The following RCL1 variants were observed in gnomAD, a reference collection of about 807,000 sequenced individuals.
RCL1 encodes RNA 3'-terminal phosphate cyclase-like protein.
Under a neutral mutation model 42.4 loss-of-function variants are expected in RCL1, and 24 were observed. That is an observed-to-expected ratio of 0.57 (90% confidence interval 0.41 to 0.80). The LOEUF is 0.80. Ranked by LOEUF, RCL1 falls within the 30% of genes least tolerant of loss-of-function variation. The pLI, the probability that RCL1 is intolerant of heterozygous loss-of-function variation, is 0.00. For synonymous variants in RCL1, 228 were observed against 177.3 expected, an observed-to-expected ratio of 1.29 and a Z score of -2.27; for missense variants, 578 against 467.9, an observed-to-expected ratio of 1.24 and a Z score of -2.17.
Position 4,848,448 on chromosome 9 carries a change from A to C in RCL1, c.868-999A>C, listed in dbSNP as rs73639232. Among the ~76,000 whole-genome samples the C allele has an allele frequency of 2.7e-3, 410 of 152,326 alleles. 2 individuals are homozygous for C. The highest frequency in any genetic ancestry group is 9.4e-3 in the African/African-American group (391 of 41,580). On this transcript the variant is annotated intron_variant, in intron 7 of 8. Coordinates refer to ENST00000381750, the MANE Select transcript of RCL1 (RefSeq NM_005772.5). ...TATTTCCTACCCTACATGCCTTAAA[A>C]AGGAGGCAGGGGCAGTTGTAGCCAT...
At chr9:4,847,970 C>T (rs550439576) in intron 7 of RCL1, among the ~76,000 whole-genome samples, 2 of 152,230 alleles carry the variant, frequency 1.3e-5, no homozygotes. Flanking sequence ...ACACCTCCCC[C>T]CAGCATAGGT....
intron 5 of RCL1, chr9:4,839,909 A>G (rs950310213): frequency 4.1e-6 from 4 of 985,488 alleles, no homozygotes; most frequent in Non-Finnish European, 3.6e-6. Flanking sequence ...GGGTTTCAGG[A>G]GAGAGATTGG....
At chr9:4,830,583 A>G (rs1563844480) in intron 3 of RCL1, among the ~76,000 whole-genome samples, 1 of 152,224 alleles carries the variant, frequency 6.6e-6, no homozygotes, top group Admixed American at 6.5e-5. Context: ...GGTGCCAACA[A>G]GCTGCTCCAA....
chr9:4,836,291 G>A (rs1817126848), intron 5 of RCL1, among the ~76,000 whole-genome samples: 1 of 152,106 alleles, frequency 6.6e-6, no homozygotes, highest in Admixed American at 6.5e-5. Flanking sequence ...AAGGTGGGTG[G>A]GTCCTACAGG....
At position 4,834,362 on chromosome 9, in the gene RCL1, T is replaced by G. The variant is rs1396335674; in HGVS notation, c.584+97T>G. On this transcript the variant is annotated intron_variant, in intron 5 of 8. Transcript: ENST00000381750. The stretch of plus-strand genomic sequence containing the variant: ...AGCTTTACTTCTTCCCGAGGTTATT[T>G]ACATTTTAGACTACAACTTTGAAAA... 7 of 1,376,238 alleles carry G rather than the reference T, an allele frequency of 5.1e-6. No homozygotes were observed. In the Admixed American group the frequency reaches 1.6e-4, roughly 31 times the overall value. The allele number at this position is 1,376,238 out of a possible 1,614,324, so 85.3% of individuals were successfully genotyped here.
At chr9:4,797,597 C>T (rs1842932207) in intron 1 of RCL1, among the ~76,000 whole-genome samples, 1 of 152,200 alleles carries the variant, frequency 6.6e-6, no homozygotes, top group Non-Finnish European at 1.5e-5. Flanking sequence ...AAATATCCTA[C>T]AGGACAGCCT....
At chr9:4,806,509 A>G (rs373498881) in intron 1 of RCL1, among the ~76,000 whole-genome samples, 6 of 151,770 alleles carry the variant, frequency 4.0e-5, no homozygotes, top group African/African-American at 1.2e-4. Context: ...TCTTCAGCCT[A>G]TAAATATGGT....
At chr9:4,835,472 G>C (rs1817090702) in intron 5 of RCL1, among the ~76,000 whole-genome samples, 1 of 152,192 alleles carries the variant, frequency 6.6e-6, no homozygotes, top group Admixed American at 6.5e-5. Flanking sequence ...CTGGGTTGTG[G>C]AGTGAAGGGG....
intron 8 of RCL1, among the ~76,000 whole-genome samples, chr9:4,854,982 G>C (rs1817887458): frequency 6.6e-6 from 1 of 150,924 alleles, no homozygotes; most frequent in Non-Finnish European, 1.5e-5. Flanking sequence ...GAACCTGGGA[G>C]GCAGAGGTTG....
In RCL1 at chr9:4,860,297, C is replaced by G. The variant is rs772837907; in HGVS notation, c.*22C>G. The G allele has an allele frequency of 1.9e-6, 3 of 1,609,678 alleles. No homozygotes were observed. Among genetic ancestry groups the G allele is most frequent in the Non-Finnish European group, 2.5e-6 (3 of 1,178,420 alleles). ...GTGATAACCATCACAAGATAAGGCC[C>G]CAATGCCTACAGACAAAGCAGAAGC... On this transcript the variant is annotated 3_prime_UTR_variant, in exon 9 of 9. Transcript: ENST00000381750.
At chr9:4,853,244 G>A (rs1240358343) in intron 8 of RCL1, among the ~76,000 whole-genome samples, 1 of 152,034 alleles carries the variant, frequency 6.6e-6, no homozygotes, top group Admixed American at 6.6e-5. Flanking sequence ...CAAGTTACGT[G>A]CCCAGGGTCA....
chr9:4,828,090 G>A (rs966859225), intron 3 of RCL1, among the ~76,000 whole-genome samples: 1 of 151,230 alleles, frequency 6.6e-6, no homozygotes, highest in Admixed American at 6.6e-5. Context: ...GGAGACTGAG[G>A]CAGGAGAATG....
chr9:4,813,974 T>G (rs1816277638), intron 1 of RCL1, among the ~76,000 whole-genome samples: 1 of 151,824 alleles, frequency 6.6e-6, no homozygotes, highest in Non-Finnish European at 1.5e-5. Flanking sequence ...CACTCATAGG[T>G]GGGAATTGAA....
At chr9:4,806,994 G>A (rs1006765291) in intron 1 of RCL1, among the ~76,000 whole-genome samples, 33 of 152,118 alleles carry the variant, frequency 2.2e-4, no homozygotes, top group African/African-American at 7.7e-4. Context: ...TGAAGAAGTG[G>A]TCCGTTTCAT....
intron 6 of RCL1, among the ~76,000 whole-genome samples, chr9:4,842,276 C>CCACAGCTGATCCTTTTT (rs748801645): frequency 6.6e-6 from 1 of 152,152 alleles, no homozygotes; most frequent in Non-Finnish European, 1.5e-5. Flanking sequence ...TTAAGTGATG[C>CCACAGCTGATCCTTTTT]CACAGCTGAT....
intron 1 of RCL1, among the ~76,000 whole-genome samples, chr9:4,819,668 G>C (rs927815035): frequency 2.6e-4 from 39 of 152,236 alleles, no homozygotes; most frequent in African/African-American, 9.1e-4. Flanking sequence ...TTAGCTGGGC[G>C]TGGTGGCACG....
At chr9:4,836,119 A>G (rs2131017237) in intron 5 of RCL1, among the ~76,000 whole-genome samples, 1 of 152,318 alleles carries the variant, frequency 6.6e-6, no homozygotes, top group East Asian at 1.9e-4. Flanking sequence ...GAAGATAAGA[A>G]AAAGGCTGTG....
At chr9:4,852,779 T>TC (rs1215001470) in intron 8 of RCL1, among the ~76,000 whole-genome samples, 95 of 151,182 alleles carry the variant, frequency 6.3e-4, no homozygotes, top group African/African-American at 2.2e-3. Flanking sequence ...CTTTTTTTTT[T>TC]TTTTAACTGC....
intron 8 of RCL1, among the ~76,000 whole-genome samples, chr9:4,855,221 C>A (rs1763836549): frequency 6.6e-6 from 1 of 152,120 alleles, no homozygotes. Context: ...GATAATCATT[C>A]TCTATGTTAG....
Sources: allele counts gnomAD v4.1 joint callset (sites outside exome capture counted in the v4.1 genomes callset), GRCh38; gene constraint gnomAD v4.1.1; transcripts MANE v1.5; gene names NCBI Gene and HGNC (gene_info 2026-07-23, HGNC 2026-07-21).